The following RPN1 variants were observed in gnomAD, a reference collection of about 807,000 sequenced individuals.
RPN1 encodes dolichyl-diphosphooligosaccharide--protein glycosyltransferase subunit 1.
In RPN1, 12 loss-of-function variants were observed where a neutral mutation model predicts 55.5. The ratio of observed to expected loss-of-function variants is 0.22; its 90% CI spans 0.14 to 0.35. The LOEUF is 0.35. Among genes scored for constraint, RPN1 ranks in the 10% least tolerant of loss-of-function variants. RPN1 has a pLI of 1.00. For synonymous variants in RPN1, 317 were observed against 305.9 expected (o/e 1.04, Z -0.38); for missense variants, 679 against 761.3 (o/e 0.89, Z 1.27).
At chr3:128,629,312 G>C (rs1425619039) in intron 5 of RPN1, among the ~76,000 whole-genome samples, 1 of 152,082 alleles carries the variant, frequency 6.6e-6, no homozygotes, top group Non-Finnish European at 1.5e-5. Context: ...TATAATCCTA[G>C]CACTTTGGGA....
rs768126146 is a variant in RPN1 at position 128,620,612 on chromosome 3, G to A, written c.1642-19C>T. 3 of 1,608,690 alleles carry A rather than the reference G, an allele frequency of 1.9e-6. No individual in the cohort carries two copies. Among genetic ancestry groups the A allele is most frequent in the Non-Finnish European group, 2.5e-6 (3 of 1,176,692 alleles). Reference sequence around the variant, plus strand: ...CGCTCACCTGGCCGAGGCAAGAGCAGGGCAGGACTTGTGAGCTGTCCTCCC... The same window carrying A: ...CGCTCACCTGGCCGAGGCAAGAGCAAGGCAGGACTTGTGAGCTGTCCTCCC... On this transcript the variant is annotated intron_variant, in intron 9 of 9. Coordinates refer to ENST00000296255, the MANE Select transcript of RPN1 (RefSeq NM_002950.4).
chr3:128,635,857 T>C (rs1005809746), intron 3 of RPN1, among the ~76,000 whole-genome samples: 10 of 151,222 alleles, frequency 6.6e-5, no homozygotes, highest in African/African-American at 2.4e-4. Flanking sequence ...ACTTGTTATA[T>C]AAAACTTGTT....
At chr3:128,636,322 G>A (rs2069681932) in intron 3 of RPN1, among the ~76,000 whole-genome samples, 1 of 151,986 alleles carries the variant, frequency 6.6e-6, no homozygotes, top group African/African-American at 2.4e-5. Context: ...TTAGCCAGGT[G>A]TGGTAGCGGG....
In RPN1 at chr3:128,646,087, AC is replaced by A. The variant is rs371599369; in HGVS notation, c.262-1105del. On this transcript the variant is annotated intron_variant, in intron 1 of 9. Coordinates refer to ENST00000296255, the MANE Select transcript of RPN1 (RefSeq NM_002950.4). ...GTGAAACCCCATCTCTACTAAAAAAACAAAAAATTAGCCGGGTGTGGTGGCG... is the reference window on the plus strand; with the variant it reads ...GTGAAACCCCATCTCTACTAAAAAAAAAAAAATTAGCCGGGTGTGGTGGCG... 4.6e-3 allele frequency among the ~76,000 whole-genome samples: 695 copies of A among 151,656 alleles called. 9 individuals carry two copies. Among genetic ancestry groups the A allele is most frequent in the African/African-American group, 0.016 (663 of 41,332 alleles).
At position 128,622,332 on chromosome 3, in the gene RPN1, G is replaced by C. The variant is rs1372769024; in HGVS notation, c.1473C>G (p.Gly491=). ...CGGTCTCGTCAAAGTGACGGTAAAGGCCTATTCTCTTGTTGACCAGGGTCA... is the reference window on the plus strand; with the variant it reads ...CGGTCTCGTCAAAGTGACGGTAAAGCCCTATTCTCTTGTTGACCAGGGTCA... The part of the protein sequence containing the change: ...QVLTLVNKRI[G]LYRHFDETVN... Residue 491 remains glycine (G), a synonymous_variant, in exon 9 of 10, where the codon GGC becomes GGG. Transcript: ENST00000296255. 2 of 1,614,086 alleles carry C rather than the reference G, an allele frequency of 1.2e-6. No individual in the cohort carries two copies. Among genetic ancestry groups the C allele is most frequent in the Non-Finnish European group, 1.7e-6 (2 of 1,180,048 alleles).
intron 5 of RPN1, chr3:128,627,113 T>G (rs2069604940): frequency 2.5e-6 from 1 of 402,134 alleles, no homozygotes; most frequent in Non-Finnish European, 4.7e-6. Context: ...CTGATGGGCT[T>G]GAGAACAGCA....
At chr3:128,625,714 C>T in intron 7 of RPN1, 61 bp from the exon 8 acceptor site, 1 of 1,606,820 alleles carries the variant, frequency 6.2e-7, no homozygotes, top group Non-Finnish European at 8.5e-7. Flanking sequence ...CCTAGACTCA[C>T]CCAGGCTGGC....
At chr3:128,623,309 G>A (rs2069573882) in intron 8 of RPN1, among the ~76,000 whole-genome samples, 1 of 152,226 alleles carries the variant, frequency 6.6e-6, no homozygotes, top group Non-Finnish European at 1.5e-5. Flanking sequence ...GGCCGAGGCA[G>A]GCAGATTGCT....
chr3:128,629,936 C>T lies in RPN1; in HGVS notation c.1036+15G>A, dbSNP rs761344417. 1 of 1,456,916 alleles carries T rather than the reference C, an allele frequency of 6.9e-7. No homozygotes were observed. The highest frequency in any genetic ancestry group is 2.3e-5 in the East Asian group (1 of 43,654). 90.2% of individuals were successfully genotyped at this position (1,456,916 alleles called of 1,614,324 possible). A position where few individuals can be genotyped will look rare whatever the true frequency, so the allele number is the denominator to read the frequency against. On this transcript the variant is annotated intron_variant, in intron 5 of 9. Coordinates refer to ENST00000296255, the MANE Select transcript of RPN1 (RefSeq NM_002950.4). The stretch of plus-strand genomic sequence containing the variant: ...AAAGAAAAGGTTAGTTTCTCCCTTA[C>T]TATTGAAGACTGACCCAAATTATAG...
intron 1 of RPN1, among the ~76,000 whole-genome samples, chr3:128,648,372 C>A (rs1268707813): frequency 6.6e-6 from 1 of 151,296 alleles, no homozygotes; most frequent in Admixed American, 6.6e-5. Flanking sequence ...TCCAGCCTGG[C>A]GACAGAGCAA....
chr3:128,650,748 G>A lies in RPN1; in HGVS notation c.53C>T (p.Ala18Val), dbSNP rs576141594. 96 of 1,551,702 alleles carry A rather than the reference G, an allele frequency of 6.2e-5. No homozygotes were observed. The African/African-American group carries it at 1.2e-3, about 20-fold the overall frequency. ...GGAGGAGGCGCTGCCCGGCGCCGGG[G>A]CCCAAGTCCCAAGCAACAGGAGCAG... is the stretch of plus-strand genomic sequence containing the variant. ...LFLLLLLGTWAPAPGSASSEA... is the reference protein window; with the variant it reads ...LFLLLLLGTWVPAPGSASSEA... The change falls in exon 1 of 10, where the codon GCC becomes GTC. Residue 18 changes from alanine (A) to valine (V), a missense_variant. Physicochemically the swap from Ala to Val is moderately conservative, Grantham distance 64 (BLOSUM62 0). Coordinates refer to ENST00000296255, the MANE Select transcript of RPN1 (RefSeq NM_002950.4).
At chr3:128,644,826 T>C (rs1218125543) in intron 2 of RPN1, 93 bp downstream of exon 2, 1 of 769,140 alleles carries the variant, frequency 1.3e-6, no homozygotes, top group Non-Finnish European at 2.3e-6. Context: ...AAGCAGGCAC[T>C]TCCTAAGCAA....
At chr3:128,620,679 C>T in intron 9 of RPN1, 86 bp from the exon 10 acceptor site, 3 of 1,389,220 alleles carry the variant, frequency 2.2e-6, no homozygotes, top group South Asian at 1.3e-5. Flanking sequence ...GCCTACAGAC[C>T]CCAGAGCTCC....
chr3:128,633,898 G>A (rs191964928), intron 3 of RPN1, among the ~76,000 whole-genome samples: 3 of 152,134 alleles, frequency 2.0e-5, no homozygotes, highest in South Asian at 2.1e-4. Context: ...TAGGAGAATC[G>A]CTTGAACCCG....
At chr3:128,649,056 T>C (rs1422030820) in intron 1 of RPN1, among the ~76,000 whole-genome samples, 1 of 152,158 alleles carries the variant, frequency 6.6e-6, no homozygotes, top group East Asian at 1.9e-4. Flanking sequence ...AGAGTCCCAG[T>C]AAGAAAGTAT....
chr3:128,644,293 T>C (rs149653483), intron 2 of RPN1, among the ~76,000 whole-genome samples: 15 of 152,270 alleles, frequency 9.9e-5, no homozygotes, highest in African/African-American at 3.4e-4. Context: ...GCATTAGTAA[T>C]GAGAAGTCAT....
rs1423535502 is a variant in RPN1 at position 128,620,419 on chromosome 3, C to T, written c.1816G>A (p.Ala606Thr). Residue 606 changes from alanine to threonine, a missense_variant, in exon 10 of 10, where the codon GCC becomes ACC. By Grantham distance (58) the Ala-to-Thr change is moderately conservative (BLOSUM62 0). Around this residue, in one of 3 missense-constraint regions of RPN1, gnomAD observed 306 missense variants for 360.0 expected, o/e 0.85. Transcript: ENST00000296255. ...GAGGATGCGGGCAGGGGCTACAGGG[C>T]ATCCAGGATGTGGTCGATCTTGGTG... The part of the protein sequence containing the change: ...LVTKIDHILD[A>T]L The T allele has an allele frequency of 1.2e-6, 2 of 1,613,132 alleles. No homozygotes were observed. The highest frequency in any genetic ancestry group is 3.3e-5 in the Admixed American group (2 of 59,958).
At position 128,626,772 on chromosome 3, in the gene RPN1, T is replaced by G. The variant is rs1450779231; in HGVS notation, c.1097A>C (p.Asp366Ala). 1 of 1,614,116 alleles carries G rather than the reference T, an allele frequency of 6.2e-7. No homozygotes were observed. The highest frequency in any genetic ancestry group is 8.5e-7 in the Non-Finnish European group (1 of 1,180,040). ...CAGGATGATCTTCACAGTCAGAGAA[T>G]CTATCACTTGTTCATCAAACACATG... is the stretch of plus-strand genomic sequence containing the variant. ...VDHVFDEQVI[D>A]SLTVKIILPE... The change falls in exon 6 of 10, where the codon GAT becomes GCT. Residue 366 changes from aspartate (D) to alanine (A), a missense_variant. Asp to Ala is a moderately radical substitution (Grantham distance 126, BLOSUM62 -2). Coordinates refer to ENST00000296255, the MANE Select transcript of RPN1 (RefSeq NM_002950.4).
Position 128,636,609 on chromosome 3 carries a change from G to A in RPN1, c.633+1190C>T, listed in dbSNP as rs112235164. ...CAAAGACATCTTTTTTTTAGAGTGG[G>A]GTGGTGCAATCATAGCTAACTGCAG... On this transcript the variant is annotated intron_variant, in intron 3 of 9. Coordinates refer to ENST00000296255, the MANE Select transcript of RPN1 (RefSeq NM_002950.4). Among the ~76,000 whole-genome samples the A allele has an allele frequency of 3.1e-3, 477 of 152,078 alleles. 3 individuals carry two copies. Among genetic ancestry groups the A allele is most frequent in the African/African-American group, 0.011 (439 of 41,508 alleles).
Sources: gnomAD v4.1 joint callset for allele counts (sites outside exome capture counted in the v4.1 genomes callset) on GRCh38, gnomAD v4.1.1 for gene constraint, gnomAD v4.1.1 regional missense constraint, MANE v1.5 for transcripts, NCBI Gene and HGNC (gene_info 2026-07-23, HGNC 2026-07-21) for gene names.